Variants in CHID1 observed in about 807,000 individuals in gnomAD.
The protein encoded by CHID1 is chitinase domain containing 1.
CHID1 carries 44 observed loss-of-function variants against 55.4 expected under a neutral mutation model. The ratio of observed to expected loss-of-function variants is 0.79; its 90% confidence interval spans 0.62 to 1.02. The LOEUF is 1.02. Among genes scored for constraint, CHID1 ranks in the 50% least tolerant of loss-of-function variants. The probability of loss-of-function intolerance (pLI) is 0.00; values close to 1 mark genes in which losing one functional copy is unlikely to be tolerated. For synonymous variants in CHID1, 216 were observed against 212.9 expected, an observed-to-expected ratio of 1.01 and a Z score of -0.13; for missense variants, 491 against 515.3, an observed-to-expected ratio of 0.95 and a Z score of 0.46.
chr11:874,067 T>G (rs1453938661), intron 10 of CHID1, among the ~76,000 whole-genome samples: 1 of 151,980 alleles, frequency 6.6e-6, no homozygotes, highest in Non-Finnish European at 1.5e-5. Flanking sequence ...GAGACCAGCT[T>G]GGAAACTTTT....
rs201232739 is a variant in CHID1, at chr11:901,015, C to T, written c.395-35G>A. 289 of 1,568,838 alleles carry T rather than the reference C, an allele frequency of 1.8e-4. 1 individual carries two copies. Among genetic ancestry groups the T allele is most frequent in the Admixed American group, 2.7e-4 (14 of 52,724 alleles). ...ATGGAGGGGACAGTCAACACAGGCA[C>T]GTGCGCCCAACTGGAAGACCCAGCC... On this transcript the variant is annotated intron_variant, in intron 4 of 12. Coordinates refer to ENST00000323578, the MANE Select transcript of CHID1 (RefSeq NM_023947.4).
chr11:883,001 C>T (rs893740854), intron 10 of CHID1, 147 bp downstream of exon 10: 2 of 881,236 alleles, frequency 2.3e-6, no homozygotes, highest in Admixed American at 2.3e-5. Flanking sequence ...CCAAGCAGGA[C>T]CGGCTCCTGG....
chr11:909,833 G>A (rs1177198809), intron 1 of CHID1, among the ~76,000 whole-genome samples: 3 of 151,998 alleles, frequency 2.0e-5, no homozygotes, highest in Non-Finnish European at 4.4e-5. Context: ...TTTTTCTGCC[G>A]GGCAGATCAC....
chr11:895,950 C>T (rs1349376546), intron 7 of CHID1, among the ~76,000 whole-genome samples: 1 of 152,066 alleles, frequency 6.6e-6, no homozygotes, highest in Admixed American at 6.5e-5. Context: ...ACGAGGTGCT[C>T]GCAGGCTGCT....
At chr11:882,904 C>T (rs112594671) in intron 10 of CHID1, 1 of 463,186 alleles carries the variant, frequency 2.2e-6, no homozygotes. Flanking sequence ...TCAGTCCCAG[C>T]CTCACGCAGA....
At chr11:900,374 A>G (rs767975942) in intron 5 of CHID1, among the ~76,000 whole-genome samples, 1 of 152,180 alleles carries the variant, frequency 6.6e-6, no homozygotes, top group Non-Finnish European at 1.5e-5. Flanking sequence ...CACACGGCTC[A>G]GCATGGTTGT....
intron 8 of CHID1, among the ~76,000 whole-genome samples, chr11:885,948 C>T (rs1005728057): frequency 1.3e-5 from 2 of 151,696 alleles, no homozygotes; most frequent in African/African-American, 4.8e-5. Context: ...GTCAGGAGAT[C>T]GAGACCATCC....
At chr11:891,823 T>C (rs948618347) in intron 8 of CHID1, among the ~76,000 whole-genome samples, 2 of 151,576 alleles carry the variant, frequency 1.3e-5, no homozygotes, top group African/African-American at 2.4e-5. Context: ...AGGTCAGACA[T>C]TAGTGCCTTA....
intron 7 of CHID1, 22 bp from the exon 8 acceptor site, chr11:893,541 G>A: frequency 6.5e-7 from 1 of 1,531,602 alleles, no homozygotes; most frequent in Non-Finnish European, 8.8e-7. Flanking sequence ...GAGAGATGGG[G>A]TCAGCAGTGC....
At chr11:905,011 G>C in intron 1 of CHID1, 152 bp from the exon 2 acceptor site, 1 of 819,230 alleles carries the variant, frequency 1.2e-6, no homozygotes, top group Admixed American at 2.5e-5. Flanking sequence ...CCCTGACCTG[G>C]ACCAGCCCTG....
intron 8 of CHID1, among the ~76,000 whole-genome samples, 196 bp from the exon 9 acceptor site, chr11:884,365 G>A (rs1336051595): frequency 6.6e-6 from 1 of 152,164 alleles, no homozygotes; most frequent in African/African-American, 2.4e-5. Context: ...AGGGGGATGT[G>A]GTCATCGGGG....
chr11:891,732 C>G (rs114736751), intron 8 of CHID1, among the ~76,000 whole-genome samples: 2,070 of 152,274 alleles, frequency 0.014, 58 homozygotes, highest in African/African-American at 0.048. Context: ...CTCCCAACCA[C>G]CTGAGACAGG....
intron 6 of CHID1, among the ~76,000 whole-genome samples, chr11:899,792 C>T (rs1326519932): frequency 1.3e-5 from 2 of 152,262 alleles, no homozygotes; most frequent in Non-Finnish European, 2.9e-5. Flanking sequence ...GTCTCCCATG[C>T]CTGGGACCTC....
At chr11:903,896 C>T (rs1411426833) in intron 2 of CHID1, 15 of 207,022 alleles carry the variant, frequency 7.2e-5, no homozygotes, top group South Asian at 4.7e-4. Context: ...CCACCGCCCC[C>T]GCCAATACGA....
chr11:908,813 A>G (rs539741218), intron 1 of CHID1: 1 of 155,996 alleles, frequency 6.4e-6, no homozygotes, highest in Non-Finnish European at 1.4e-5. Flanking sequence ...GCCACTGTCC[A>G]CCCACCTAGT....
At chr11:902,941 A>G (rs1351708070) in intron 3 of CHID1, 21 bp downstream of exon 3, 1 of 1,610,730 alleles carries the variant, frequency 6.2e-7, no homozygotes, top group African/African-American at 1.3e-5. Context: ...CTCCCTCTGC[A>G]CTGTGAGGGC....
At chr11:873,540 C>T (rs186367124) in intron 10 of CHID1, among the ~76,000 whole-genome samples, 130 of 151,904 alleles carry the variant, frequency 8.6e-4, no homozygotes, top group Middle Eastern at 3.4e-3. Context: ...GGTGAAAGTC[C>T]GAGAGTGGGT....
intron 8 of CHID1, among the ~76,000 whole-genome samples, 174 bp downstream of exon 8, chr11:893,253 T>C (rs1004650295): frequency 6.6e-6 from 1 of 152,214 alleles, no homozygotes; most frequent in African/African-American, 2.4e-5. Context: ...TGGAGCCTTC[T>C]CTGTGCCCAG....
intron 8 of CHID1, among the ~76,000 whole-genome samples, chr11:884,783 C>T (rs1297755643): frequency 1.3e-5 from 2 of 152,218 alleles, no homozygotes; most frequent in African/African-American, 2.4e-5. Flanking sequence ...TGGTCGGCTG[C>T]GGACACCTGT....
Sources: allele counts gnomAD v4.1 joint callset (sites outside exome capture counted in the v4.1 genomes callset), GRCh38; gene constraint gnomAD v4.1.1; transcripts MANE v1.5; gene names NCBI Gene and HGNC (gene_info 2026-07-23, HGNC 2026-07-21).